Variants in FLI1 observed in about 807,000 individuals in gnomAD.
The protein encoded by FLI1 is Friend leukemia integration 1 transcription factor.
Under a neutral mutation model 53.1 loss-of-function variants are expected in FLI1, and 13 were observed. That is an observed-to-expected ratio of 0.24 (90% confidence interval 0.16 to 0.39). The LOEUF (loss-of-function observed/expected upper bound fraction) is 0.39, where lower values mean the gene tolerates loss of function less well. FLI1 is among the 10% of genes least tolerant of loss of function. The pLI is 1.00. For synonymous variants in FLI1, 244 were observed against 236.7 expected, an observed-to-expected ratio of 1.03 and a Z score of -0.28; for missense variants, 424 against 600.5, an observed-to-expected ratio of 0.71 and a Z score of 3.07.
intron 4 of FLI1, 50 bp from the exon 5 acceptor site, chr11:128,781,908 G>C: frequency 6.9e-7 from 1 of 1,439,068 alleles, no homozygotes; most frequent in Admixed American, 1.7e-5. Context: ...TCCTACTCTT[G>C]ATCTCAGAAG....
At chr11:128,787,518 C>G (rs1019092009) in intron 5 of FLI1, among the ~76,000 whole-genome samples, 4 of 152,150 alleles carry the variant, frequency 2.6e-5, no homozygotes, top group African/African-American at 9.7e-5. Flanking sequence ...AAGGTGGGCA[C>G]TGGTCTCCTA....
chr11:128,716,260 C>A (rs654723), intron 1 of FLI1, among the ~76,000 whole-genome samples: 79,963 of 151,960 alleles, frequency 0.53, 22,432 homozygotes, highest in South Asian at 0.71. Context: ...CCCCTCCAAG[C>A]CAAAATGTCA....
chr11:128,743,345 C>T (rs533144378), intron 1 of FLI1, among the ~76,000 whole-genome samples: 1 of 149,456 alleles, frequency 6.7e-6, no homozygotes, highest in South Asian at 2.1e-4. Flanking sequence ...TTTGAGGCTG[C>T]AGTGAGCCGT....
chr11:128,760,805 C>A (rs1293733966), intron 2 of FLI1, among the ~76,000 whole-genome samples: 2 of 152,082 alleles, frequency 1.3e-5, no homozygotes, highest in Non-Finnish European at 2.9e-5. Flanking sequence ...GGATTACAGG[C>A]GTGAGCCACC....
chr11:128,770,350 TC>T (rs1363808621), intron 3 of FLI1, among the ~76,000 whole-genome samples: 3 of 152,188 alleles, frequency 2.0e-5, no homozygotes, highest in Non-Finnish European at 2.9e-5. Flanking sequence ...CATTTTGGCT[TC>T]CTCCAGGCCA....
intron 1 of FLI1, among the ~76,000 whole-genome samples, chr11:128,725,419 C>G (rs1233262832): frequency 6.6e-6 from 1 of 152,142 alleles, no homozygotes; most frequent in Non-Finnish European, 1.5e-5. Flanking sequence ...AGTCTTGGCC[C>G]CTCACCACTC....
intron 4 of FLI1, among the ~76,000 whole-genome samples, chr11:128,778,107 T>C (rs625797): frequency 0.44 from 66,866 of 152,000 alleles, 15,002 homozygotes; most frequent in Middle Eastern, 0.55. Flanking sequence ...AAAAATGCCC[T>C]CAATAAATAG....
chr11:128,762,270 T>G (rs1209878015), intron 2 of FLI1, among the ~76,000 whole-genome samples: 1 of 152,212 alleles, frequency 6.6e-6, no homozygotes, highest in Non-Finnish European at 1.5e-5. Context: ...TTTGCAGTGG[T>G]CTAATTCGCC....
Position 128,792,719 on chromosome 11 carries a change from T to C in FLI1, c.655+10696T>C, listed in dbSNP as rs1942310617. ...TTTATATAATTATACACATATCCTTTTGTGTTTAATACTACATTTAAGAGG... is the reference window on the plus strand; with the variant it reads ...TTTATATAATTATACACATATCCTTCTGTGTTTAATACTACATTTAAGAGG... On this transcript the variant is annotated intron_variant, in intron 5 of 8. Coordinates refer to ENST00000527786, the MANE Select transcript of FLI1 (RefSeq NM_002017.5). 3.3e-5 allele frequency among the ~76,000 whole-genome samples: 5 copies of C among 152,312 alleles called. No individual in the cohort carries two copies. In the South Asian group the frequency reaches 8.3e-4, roughly 25 times the overall value.
intron 5 of FLI1, among the ~76,000 whole-genome samples, chr11:128,783,637 G>T (rs1001110384): frequency 2.0e-5 from 3 of 152,176 alleles, no homozygotes; most frequent in Non-Finnish European, 4.4e-5. Flanking sequence ...AGTGGCAAAC[G>T]CATTAGATTG....
intron 1 of FLI1, among the ~76,000 whole-genome samples, chr11:128,695,054 C>T (rs1489011393): frequency 2.6e-5 from 4 of 151,958 alleles, no homozygotes; most frequent in South Asian, 4.1e-4. Context: ...GACCAGGGCT[C>T]CTGGAGCTGT....
At chr11:128,743,539 A>T (rs1031327046) in intron 1 of FLI1, among the ~76,000 whole-genome samples, 9 of 152,142 alleles carry the variant, frequency 5.9e-5, no homozygotes, top group Non-Finnish European at 8.8e-5. Flanking sequence ...GGGCATGTCC[A>T]CCTGGTAGGT....
chr11:128,738,826 C>A (rs1940011784), intron 1 of FLI1, among the ~76,000 whole-genome samples: 1 of 152,114 alleles, frequency 6.6e-6, no homozygotes, highest in African/African-American at 2.4e-5. Context: ...GATGTCAGAA[C>A]CAAAAAACCC....
At chr11:128,689,316 G>C (rs1215996950), upstream of FLI1, among the ~76,000 whole-genome samples, 3 of 152,242 alleles carry the variant, frequency 2.0e-5, no homozygotes, top group Non-Finnish European at 2.9e-5. Context: ...CTTTCTCCTA[G>C]CGCGCAGAGC....
chr11:128,708,861 C>T (rs1257904137), intron 1 of FLI1, among the ~76,000 whole-genome samples: 3 of 152,182 alleles, frequency 2.0e-5, no homozygotes, highest in Non-Finnish European at 4.4e-5. Context: ...AAAGTTCAGT[C>T]AGCCAATATT....
At chr11:128,742,540 A>G (rs1041157303) in intron 1 of FLI1, among the ~76,000 whole-genome samples, 1 of 152,254 alleles carries the variant, frequency 6.6e-6, no homozygotes, top group African/African-American at 2.4e-5. Context: ...CACTCATAAC[A>G]TGTGGCTTTT....
chr11:128,787,034 C>A (rs748392133), intron 5 of FLI1, among the ~76,000 whole-genome samples: 1 of 152,182 alleles, frequency 6.6e-6, no homozygotes, highest in Non-Finnish European at 1.5e-5. Flanking sequence ...AAAAGTCTGT[C>A]GGCTTGCATG....
intron 8 of FLI1, among the ~76,000 whole-genome samples, 156 bp downstream of exon 8, chr11:128,809,360 C>A (rs1319505333): frequency 6.6e-6 from 1 of 152,198 alleles, no homozygotes; most frequent in African/African-American, 2.4e-5. Flanking sequence ...AGCATGTGAA[C>A]AACAGGTCAG....
intron 3 of FLI1, 55 bp downstream of exon 3, chr11:128,768,327 G>A (rs769459223): frequency 1.9e-6 from 3 of 1,590,412 alleles, no homozygotes; most frequent in South Asian, 1.1e-5. Flanking sequence ...TCTCTGGGGG[G>A]GCAGGGAGCA....
Sources: allele counts gnomAD v4.1 joint callset (sites outside exome capture counted in the v4.1 genomes callset), GRCh38; gene constraint gnomAD v4.1.1; transcripts MANE v1.5; gene names NCBI Gene and HGNC (gene_info 2026-07-23, HGNC 2026-07-21).